Variants in MBD5 observed in about 807,000 individuals in gnomAD.
The protein encoded by MBD5 is methyl-CpG-binding domain protein 5.
A neutral mutation model predicts 117.3 loss-of-function variants in MBD5; 13 were observed. The observed-to-expected ratio is 0.11, with a 90% CI of 0.07 to 0.18. The LOEUF is 0.18. Among genes scored for constraint, MBD5 ranks in the 10% least tolerant of loss-of-function variants. MBD5 has a pLI of 1.00. For synonymous variants in MBD5, 727 were observed against 766.4 expected (o/e 0.95, Z 0.85); for missense variants, 1,879 against 2,093.8 (o/e 0.90, Z 2.00).
intron 4 of MBD5, among the ~76,000 whole-genome samples, chr2:148,446,226 G>C (rs1706513375): frequency 6.6e-6 from 1 of 152,112 alleles, no homozygotes; most frequent in Middle Eastern, 3.4e-3. Flanking sequence ...GTCCTGAATG[G>C]TATTGCCTAG....
At chr2:148,128,077 G>C (rs183884254) in intron 1 of MBD5, among the ~76,000 whole-genome samples, 78 of 151,990 alleles carry the variant, frequency 5.1e-4, no homozygotes, top group African/African-American at 1.8e-3. Context: ...TTTTTAATGG[G>C]GTTGTTTTTT....
At chr2:148,234,458 T>A (rs1700051155) in intron 3 of MBD5, among the ~76,000 whole-genome samples, 1 of 152,156 alleles carries the variant, frequency 6.6e-6, no homozygotes. Context: ...TGCTTTTCTG[T>A]TGGGGAAAAT....
At chr2:148,461,356 A>G (rs1312930808) in intron 5 of MBD5, among the ~76,000 whole-genome samples, 4 of 152,216 alleles carry the variant, frequency 2.6e-5, no homozygotes, top group African/African-American at 9.6e-5. Flanking sequence ...TAGCCTAAGT[A>G]AATGAGTAAT....
chr2:148,099,908 T>C (rs1696162901), intron 1 of MBD5, among the ~76,000 whole-genome samples: 1 of 152,196 alleles, frequency 6.6e-6, no homozygotes, highest in Admixed American at 6.5e-5. Flanking sequence ...CCAATTGATA[T>C]TTATTGATCA....
intron 13 of MBD5, chr2:148,512,388 GTTA>G: frequency 4.5e-6 from 1 of 224,284 alleles, no homozygotes. Context: ...ATGTGTGCAT[GTTA>G]TTATAATTTG....
intron 4 of MBD5, among the ~76,000 whole-genome samples, chr2:148,396,344 CG>C (rs2105035465): frequency 6.6e-6 from 1 of 152,286 alleles, no homozygotes; most frequent in South Asian, 2.1e-4. Flanking sequence ...TGCACAGCGG[CG>C]GCTACAAGCA....
chr2:148,307,329 T>A lies in MBD5; in HGVS notation c.-679-34885T>A, dbSNP rs1387037799. Among the ~76,000 whole-genome samples the A allele has an allele frequency of 2.0e-5, 3 of 152,084 alleles. No individual in the cohort carries two copies. In the East Asian group the frequency reaches 5.8e-4, roughly 29 times the overall value. ...TTTCATCAGAAAATTATGAGCTCTATTTTTTTAAAGAACTTTATAAGTAAA... is the reference window on the plus strand; with the variant it reads ...TTTCATCAGAAAATTATGAGCTCTAATTTTTTAAAGAACTTTATAAGTAAA... On this transcript the variant is annotated intron_variant, in intron 3 of 13. Transcript: ENST00000642680.
intron 3 of MBD5, among the ~76,000 whole-genome samples, chr2:148,270,397 T>TTC (rs925811999): frequency 6.6e-6 from 1 of 151,450 alleles, no homozygotes; most frequent in African/African-American, 2.4e-5. Context: ...CTTTCTATTT[T>TTC]TTTTTTTTTT....
chr2:148,279,685 C>T (rs1701196087), intron 3 of MBD5, among the ~76,000 whole-genome samples: 1 of 152,204 alleles, frequency 6.6e-6, no homozygotes, highest in Non-Finnish European at 1.5e-5. Flanking sequence ...CTCATCTGAA[C>T]ATCATAAAGC....
intron 9 of MBD5, 168 bp from the exon 10 acceptor site, chr2:148,485,574 G>A: frequency 3.2e-6 from 2 of 615,848 alleles, no homozygotes; most frequent in Non-Finnish European, 5.7e-6. Flanking sequence ...AAATAATAAA[G>A]CTACTCTTTC....
intron 12 of MBD5, among the ~76,000 whole-genome samples, chr2:148,508,063 G>A (rs748693229): frequency 2.6e-5 from 4 of 152,144 alleles, no homozygotes; most frequent in Non-Finnish European, 5.9e-5. Flanking sequence ...GATATTGTCA[G>A]GCAACGTGGC....
chr2:148,049,753 G>C (rs1694643012), intron 1 of MBD5, among the ~76,000 whole-genome samples: 1 of 152,162 alleles, frequency 6.6e-6, no homozygotes, highest in South Asian at 2.1e-4. Context: ...GCAACTTCTA[G>C]TCTACTTTCT....
At chr2:148,491,596 C>T (rs1681528912) in intron 11 of MBD5, among the ~76,000 whole-genome samples, 1 of 151,960 alleles carries the variant, frequency 6.6e-6, no homozygotes, top group Non-Finnish European at 1.5e-5. Context: ...TTTTTGCCAG[C>T]ACAATAAAGG....
In MBD5 at chr2:148,160,928, C is replaced by T. The variant is rs546243973; in HGVS notation, c.-924-17772C>T. ...CTTAAAACACCCAAGAGTACCTAAA[C>T]TTGCTTTGCACGTAGTAGGAGTTCA... On this transcript the variant is annotated intron_variant, in intron 1 of 13. Coordinates refer to ENST00000642680, the MANE Select transcript of MBD5 (RefSeq NM_001378120.1). Among the ~76,000 whole-genome samples the T allele has an allele frequency of 2.3e-3, 343 of 152,274 alleles. 1 individual carries two copies. Among genetic ancestry groups the T allele is most frequent in the Admixed American group, 6.4e-3 (98 of 15,290 alleles).
At chr2:148,195,373 C>G (rs1235301019) in intron 2 of MBD5, among the ~76,000 whole-genome samples, 1 of 151,966 alleles carries the variant, frequency 6.6e-6, no homozygotes, top group Non-Finnish European at 1.5e-5. Context: ...AATGTATATC[C>G]ACTTAACAAT....
intron 2 of MBD5, among the ~76,000 whole-genome samples, chr2:148,207,372 A>G (rs1193160380): frequency 6.6e-6 from 1 of 152,004 alleles, no homozygotes; most frequent in African/African-American, 2.4e-5. Flanking sequence ...TGGGGGAAAG[A>G]AGGAGAGTAA....
intron 3 of MBD5, among the ~76,000 whole-genome samples, chr2:148,302,601 A>G (rs994217498): frequency 6.6e-6 from 1 of 151,954 alleles, no homozygotes; most frequent in Non-Finnish European, 1.5e-5. Context: ...CTATGCAGAT[A>G]TTAAAGCATT....
intron 3 of MBD5, among the ~76,000 whole-genome samples, chr2:148,294,553 A>C (rs1187306524): frequency 3.9e-5 from 5 of 129,658 alleles, no homozygotes; most frequent in Admixed American, 2.7e-4. Context: ...CCCAGGCTGG[A>C]GTGCAGCCGT....
chr2:148,131,059 T>TA (rs1271353386), intron 1 of MBD5, among the ~76,000 whole-genome samples: 5 of 152,164 alleles, frequency 3.3e-5, no homozygotes, highest in African/African-American at 4.8e-5. Context: ...CAAAGGGACT[T>TA]ACTTGTTGCT....
Sources: gnomAD v4.1 joint callset for allele counts (sites outside exome capture counted in the v4.1 genomes callset) on GRCh38, gnomAD v4.1.1 for gene constraint, MANE v1.5 for transcripts, NCBI Gene and HGNC (gene_info 2026-07-23, HGNC 2026-07-21) for gene names.